The following BCL2L10 variants were observed in gnomAD, a reference collection of about 807,000 sequenced individuals.
BCL2L10 encodes the protein BCL2 like 10, also known as bcl-2-like protein 10.
Under a neutral mutation model 11.1 loss-of-function variants are expected in BCL2L10, and 14 were observed. That is an observed-to-expected ratio of 1.26 (90% confidence interval 0.83 to 1.96). The LOEUF is 1.96. Ranked by LOEUF, BCL2L10 falls within the 30% of genes most tolerant of loss-of-function variation. The probability of loss-of-function intolerance (pLI) is 0.00; values close to 1 mark genes in which losing one functional copy is unlikely to be tolerated. For missense variants in BCL2L10, 309 were observed against 273.9 expected, an observed-to-expected ratio of 1.13 and a Z score of -0.90; for synonymous variants, 154 against 133.4, an observed-to-expected ratio of 1.15 and a Z score of -1.07.
At chr15:52,109,999 G>T in intron 1 of BCL2L10, 26 bp from the exon 2 acceptor site, 1 of 1,582,412 alleles carries the variant, frequency 6.3e-7, no homozygotes, top group Non-Finnish European at 8.6e-7. Flanking sequence ...AGAAAAGTTA[G>T]ATTGCCTCAT....
intron 1 of BCL2L10, 77 bp downstream of exon 1, chr15:52,112,161 T>G: frequency 4.3e-6 from 6 of 1,409,642 alleles, no homozygotes; most frequent in Non-Finnish European, 5.5e-6. Flanking sequence ...CGCGGTGGGT[T>G]CCTCACCGTG....
At position 52,112,711 on chromosome 15, in the gene BCL2L10, G is replaced by C. The variant is rs1322330810; in HGVS notation, c.16C>G (p.Arg6Gly). MVDQL[R>G]ERTTMADPLR... ...GGGTCGGCCATGGTGGTGCGCTCCC[G>C]CAACTGGTCAACCATGGTCCGGCCT... Residue 6 changes from arginine (R) to glycine (G), a missense_variant, in exon 1 of 2, where the codon CGG becomes GGG. Arg to Gly is a moderately radical substitution (Grantham distance 125, BLOSUM62 -2). Transcript: ENST00000260442. 3.3e-6 allele frequency: 5 copies of C among 1,535,860 alleles called. No homozygotes were observed. The highest frequency in any genetic ancestry group is 1.4e-5 in the African/African-American group (1 of 71,992).
chr15:52,112,026 TAAG>T (rs2033063717), intron 1 of BCL2L10: 1 of 1,026,030 alleles, frequency 9.7e-7, no homozygotes, highest in Non-Finnish European at 1.3e-6. Context: ...CACGGCCGTC[TAAG>T]AAGGCCGATT....
intron 1 of BCL2L10, among the ~76,000 whole-genome samples, chr15:52,111,306 T>G (rs2033052552): frequency 6.6e-6 from 1 of 151,616 alleles, no homozygotes; most frequent in East Asian, 1.9e-4. Flanking sequence ...AGGCAGAGGT[T>G]GCAGTGAGCT....
At chr15:52,111,216 A>ACACACG (rs1360594535) in intron 1 of BCL2L10, among the ~76,000 whole-genome samples, 7 of 148,508 alleles carry the variant, frequency 4.7e-5, no homozygotes, top group African/African-American at 1.8e-4. Flanking sequence ...ACACACACAC[A>ACACACG]CAGTTAGCCA....
chr15:52,110,491 T>C (rs957346018), intron 1 of BCL2L10, among the ~76,000 whole-genome samples: 5 of 152,050 alleles, frequency 3.3e-5, no homozygotes, highest in African/African-American at 1.2e-4. Flanking sequence ...TGGAGTGCAA[T>C]GGCAAGATCT....
In BCL2L10 at chr15:52,112,201, G is replaced by T. The variant is rs150387437; in HGVS notation, c.489+37C>A. The T allele has an allele frequency of 2.8e-3, 4,003 of 1,449,928 alleles. 83 individuals carry two copies. In the Admixed American group the frequency reaches 0.037, roughly 14 times the overall value. The allele number at this position is 1,449,928 out of a possible 1,614,324, so 89.8% of individuals were successfully genotyped here. On this transcript the variant is annotated intron_variant, in intron 1 of 1. Transcript: ENST00000260442. The stretch of plus-strand genomic sequence containing the variant: ...CCTCGTGGGCGCTTCCCGGCTGCCC[G>T]TCCCGCCCCGTGTCCCGGTGTCCGC...
In BCL2L10 at chr15:52,112,698, G is replaced by A. The variant is rs781029858; in HGVS notation, c.29C>T (p.Thr10Ile). 33 of 1,536,530 alleles carry A rather than the reference G, an allele frequency of 2.1e-5. No homozygotes were observed. The highest frequency in any genetic ancestry group is 2.7e-5 in the Non-Finnish European group (31 of 1,147,220). The change falls in exon 1 of 2, where the codon ACC (threonine) becomes ATC (isoleucine). Residue 10 changes from threonine (T) to isoleucine (I), a missense_variant. Coordinates refer to ENST00000260442, the MANE Select transcript of BCL2L10 (RefSeq NM_020396.4). ...GCGCTCCCGCAGCGGGTCGGCCATGGTGGTGCGCTCCCGCAACTGGTCAAC... is the reference window on the plus strand; with the variant it reads ...GCGCTCCCGCAGCGGGTCGGCCATGATGGTGCGCTCCCGCAACTGGTCAAC... MVDQLRERT[T>I]MADPLRERTE...
chr15:52,112,143 G>A (rs973383774), intron 1 of BCL2L10, 95 bp downstream of exon 1: 19 of 1,392,790 alleles, frequency 1.4e-5, no homozygotes, highest in Non-Finnish European at 1.7e-5. Flanking sequence ...CTCGTTCCAG[G>A]GGCCTGGCGC....
At chr15:52,111,246 G>A (rs114558920) in intron 1 of BCL2L10, among the ~76,000 whole-genome samples, 1 of 147,464 alleles carries the variant, frequency 6.8e-6, no homozygotes, top group Admixed American at 6.9e-5. Flanking sequence ...GGGCGCGCCT[G>A]TAGTCCCAGC....
chr15:52,110,011 A>G, intron 1 of BCL2L10, 38 bp from the exon 2 acceptor site: 1 of 1,566,974 alleles, frequency 6.4e-7, no homozygotes, highest in Non-Finnish European at 8.6e-7. Context: ...TTGCCTCATG[A>G]TGCTGAGAAC....
At chr15:52,110,289 C>G (rs1263916756) in intron 1 of BCL2L10, among the ~76,000 whole-genome samples, 9 of 152,196 alleles carry the variant, frequency 5.9e-5, no homozygotes, top group Non-Finnish European at 1.2e-4. Flanking sequence ...TTTTGGGAAA[C>G]TGTCAAGTCA....
In BCL2L10 at chr15:52,112,223, C is replaced by A. The variant is rs1358009619; in HGVS notation, c.489+15G>T. 6.8e-6 allele frequency: 10 copies of A among 1,477,902 alleles called. No individual in the cohort carries two copies. The highest frequency in any genetic ancestry group is 8.0e-6 in the Non-Finnish European group (9 of 1,119,502). 91.5% of individuals were successfully genotyped at this position (1,477,902 alleles called of 1,614,324 possible). On this transcript the variant is annotated intron_variant, in intron 1 of 1. Transcript: ENST00000260442. ...CCCGTCCCGCCCCGTGTCCCGGTGT[C>A]CGCCGCGTGCTCACCCAGCCGCCCT... is the stretch of plus-strand genomic sequence containing the variant.
chr15:52,109,982 G>C lies in BCL2L10; in HGVS notation c.490-9C>G, dbSNP rs771473120. 6.3e-7 allele frequency: 1 copy of C among 1,592,560 alleles called. No individual in the cohort carries two copies. Among genetic ancestry groups the C allele is most frequent in the Admixed American group, 1.8e-5 (1 of 55,628 alleles). Reference sequence around the variant, plus strand: ...AAGTGACAAAAGCCATCCTACAGGGGGGAGAGAGAAAAGTTAGATTGCCTC... The same window carrying C: ...AAGTGACAAAAGCCATCCTACAGGGCGGAGAGAGAAAAGTTAGATTGCCTC... On this transcript the variant is annotated splice_polypyrimidine_tract_variant and intron_variant, in intron 1 of 1. Coordinates refer to ENST00000260442, the MANE Select transcript of BCL2L10 (RefSeq NM_020396.4).
rs2033019795 is a variant in BCL2L10 at position 52,109,692 on chromosome 15, A to C, written c.*156T>G. ...ACCTGAGTACTTGTCACAAGTTAAAACACTGGCCAAATCACCACCTCAGGA... is the reference window on the plus strand; with the variant it reads ...ACCTGAGTACTTGTCACAAGTTAAACCACTGGCCAAATCACCACCTCAGGA... On this transcript the variant is annotated 3_prime_UTR_variant, in exon 2 of 2. Transcript: ENST00000260442. 8 of 1,025,828 alleles carry C rather than the reference A, an allele frequency of 7.8e-6. No homozygotes were observed. The highest frequency in any genetic ancestry group is 1.1e-5 in the Non-Finnish European group (8 of 714,422). 63.5% of individuals were successfully genotyped at this position (1,025,828 alleles called of 1,614,324 possible).
intron 1 of BCL2L10, among the ~76,000 whole-genome samples, chr15:52,110,465 C>A (rs972506277): frequency 6.6e-6 from 1 of 151,976 alleles, no homozygotes; most frequent in African/African-American, 2.4e-5. Flanking sequence ...CAGAGTTTCG[C>A]TCTTGGTGCC....
intron 1 of BCL2L10, among the ~76,000 whole-genome samples, chr15:52,110,286 A>T (rs2141168782): frequency 6.6e-6 from 1 of 152,320 alleles, no homozygotes; most frequent in African/African-American, 2.4e-5. Context: ...GCCTTTTGGG[A>T]AACTGTCAAG....
Position 52,112,638 on chromosome 15 carries a change from C to A in BCL2L10, c.89G>T (p.Cys30Phe), listed in dbSNP as rs2033081851. ...CTCGGGGGTGCCGGGTTCCCGGGCGCAGTACCCCAGGTAGTCGGCCAGCAA... is the reference window on the plus strand; with the variant it reads ...CTCGGGGGTGCCGGGTTCCCGGGCGAAGTACCCCAGGTAGTCGGCCAGCAA... ...ELLLADYLGY[C>F]AREPGTPEPA... Residue 30 changes from cysteine to phenylalanine, a missense_variant, in exon 1 of 2, where the codon TGC becomes TTC. Cys to Phe is a radical substitution (Grantham distance 205). Coordinates refer to ENST00000260442, the MANE Select transcript of BCL2L10 (RefSeq NM_020396.4). 6.4e-7 allele frequency: 1 copy of A among 1,562,558 alleles called. No individual in the cohort carries two copies. Among genetic ancestry groups the A allele is most frequent in the African/African-American group, 1.4e-5 (1 of 73,634 alleles).
At position 52,109,964 on chromosome 15, in the gene BCL2L10, AAAAGCCATCCTAC is replaced by A. The variant is rs771394935; in HGVS notation, c.490-4_498del. 3 of 1,611,186 alleles carry A rather than the reference AAAAGCCATCCTAC, an allele frequency of 1.9e-6. No homozygotes were observed. Among genetic ancestry groups the A allele is most frequent in the Non-Finnish European group, 2.5e-6 (3 of 1,178,682 alleles). On this transcript the variant is annotated splice_acceptor_variant and splice_polypyrimidine_tract_variant and coding_sequence_variant and intron_variant, in exon 2 of 2. Coordinates refer to ENST00000260442, the MANE Select transcript of BCL2L10 (RefSeq NM_020396.4). LOFTEE classifies it high-confidence loss of function. ...GGAAAGGGGGTCCTGAAGAAGTGAC[AAAAGCCATCCTAC>A]AGGGGGGAGAGAGAAAAGTTAGATT...
Sources: allele counts gnomAD v4.1 joint callset (sites outside exome capture counted in the v4.1 genomes callset), GRCh38; gene constraint gnomAD v4.1.1; transcripts MANE v1.5; gene names NCBI Gene and HGNC (gene_info 2026-07-23, HGNC 2026-07-21).